The following SPOCK1 variants were observed in gnomAD, a reference collection of about 807,000 sequenced individuals.
SPOCK1 encodes the protein SPARC (osteonectin), cwcv and kazal like domains proteoglycan 1.
In SPOCK1, 23 loss-of-function variants were observed where a neutral mutation model predicts 55.3. That is an observed-to-expected ratio of 0.42 (90% CI 0.30 to 0.59). The LOEUF (loss-of-function observed/expected upper bound fraction) is 0.59. SPOCK1 is among the 20% of genes least tolerant of loss of function. The pLI is 0.22. For synonymous variants in SPOCK1, 226 were observed against 221.0 expected (o/e 1.02, Z -0.20); for missense variants, 499 against 552.5 (o/e 0.90, Z 0.97).
At chr5:137,159,906 C>T (rs1468605804) in intron 3 of SPOCK1, among the ~76,000 whole-genome samples, 1 of 152,100 alleles carries the variant, frequency 6.6e-6, no homozygotes, top group Non-Finnish European at 1.5e-5. Context: ...CAATCCATGT[C>T]TATATTTTAT....
At chr5:137,279,412 T>C (rs1016355109) in intron 2 of SPOCK1, among the ~76,000 whole-genome samples, 2 of 152,190 alleles carry the variant, frequency 1.3e-5, no homozygotes, top group Admixed American at 1.3e-4. Context: ...AAGATTCTAC[T>C]GAGGAAGTAC....
At chr5:137,231,191 T>G (rs1452084350) in intron 3 of SPOCK1, among the ~76,000 whole-genome samples, 2 of 152,120 alleles carry the variant, frequency 1.3e-5, no homozygotes, top group African/African-American at 4.8e-5. Flanking sequence ...ATTATAGGCA[T>G]GCGCCACCAC....
At chr5:137,440,422 T>C (rs904323581) in intron 2 of SPOCK1, among the ~76,000 whole-genome samples, 5 of 152,198 alleles carry the variant, frequency 3.3e-5, no homozygotes, top group African/African-American at 7.2e-5. Context: ...CAGTTAGCTT[T>C]GGAGGGATGT....
At chr5:136,997,394 C>T (rs953501292) in intron 6 of SPOCK1, among the ~76,000 whole-genome samples, 3 of 151,974 alleles carry the variant, frequency 2.0e-5, no homozygotes, top group Non-Finnish European at 4.4e-5. Context: ...CCCATCTTGC[C>T]CCCTCCCTCC....
At chr5:137,104,966 TCC>T (rs1381621581) in intron 5 of SPOCK1, among the ~76,000 whole-genome samples, 2 of 152,124 alleles carry the variant, frequency 1.3e-5, no homozygotes, top group Non-Finnish European at 2.9e-5. Flanking sequence ...ACAAAACTGG[TCC>T]CTGTGCCAAA....
intron 2 of SPOCK1, among the ~76,000 whole-genome samples, chr5:137,294,951 T>C (rs1757449774): frequency 6.6e-6 from 1 of 152,184 alleles, no homozygotes; most frequent in East Asian, 1.9e-4. Flanking sequence ...CAAACTCCTC[T>C]TTCCACCCCC....
At chr5:136,979,777 T>G (rs904498529) in intron 9 of SPOCK1, among the ~76,000 whole-genome samples, 10 of 152,222 alleles carry the variant, frequency 6.6e-5, no homozygotes, top group African/African-American at 2.2e-4. Context: ...TACATACATT[T>G]GCAGAATCTC....
chr5:137,218,374 A>ACTG (rs1331268208), intron 3 of SPOCK1, among the ~76,000 whole-genome samples: 1 of 152,252 alleles, frequency 6.6e-6, no homozygotes, highest in Non-Finnish European at 1.5e-5. Flanking sequence ...GCCAGAGGAG[A>ACTG]CTGCTCTAAA....
intron 6 of SPOCK1, among the ~76,000 whole-genome samples, chr5:137,001,261 C>T (rs959900248): frequency 1.3e-5 from 2 of 152,166 alleles, no homozygotes. Flanking sequence ...TAGCTGTCGG[C>T]TGTGATCTGA....
intron 2 of SPOCK1, among the ~76,000 whole-genome samples, chr5:137,292,032 C>T (rs1270061354): frequency 1.3e-5 from 2 of 152,124 alleles, no homozygotes; most frequent in African/African-American, 2.4e-5. Flanking sequence ...AGAATAAATC[C>T]AATGTGCCAA....
chr5:137,329,722 C>T (rs1177031294), intron 2 of SPOCK1, among the ~76,000 whole-genome samples: 1 of 152,162 alleles, frequency 6.6e-6, no homozygotes, highest in Non-Finnish European at 1.5e-5. Flanking sequence ...GTTTTGTTGG[C>T]TCCTCTAATG....
chr5:137,493,768 A>G (rs1661706733), intron 2 of SPOCK1, among the ~76,000 whole-genome samples: 2 of 152,192 alleles, frequency 1.3e-5, no homozygotes, highest in Non-Finnish European at 2.9e-5. Context: ...TTCCGTGATG[A>G]CAGATTAATG....
intron 2 of SPOCK1, among the ~76,000 whole-genome samples, chr5:137,333,489 C>T (rs1251133882): frequency 6.6e-6 from 1 of 152,174 alleles, no homozygotes; most frequent in Non-Finnish European, 1.5e-5. Flanking sequence ...CAATCGGGGA[C>T]ATGAAGTAGC....
chr5:137,320,698 G>T (rs1053719174), intron 2 of SPOCK1, among the ~76,000 whole-genome samples: 3 of 152,170 alleles, frequency 2.0e-5, no homozygotes, highest in Non-Finnish European at 4.4e-5. Context: ...ACACACACAA[G>T]CCTAGAAAAG....
chr5:137,060,784 A>C (rs1752381846), intron 6 of SPOCK1, among the ~76,000 whole-genome samples: 1 of 152,064 alleles, frequency 6.6e-6, no homozygotes, highest in African/African-American at 2.4e-5. Flanking sequence ...TTCTCTGTTC[A>C]CCTTTAGCTT....
At chr5:136,995,365 T>G (rs1751021031) in intron 6 of SPOCK1, among the ~76,000 whole-genome samples, 1 of 152,176 alleles carries the variant, frequency 6.6e-6, no homozygotes, top group East Asian at 1.9e-4. Context: ...AGGTGGAGAA[T>G]CCTGGCTTAG....
At chr5:137,271,212 T>G (rs954302787) in intron 2 of SPOCK1, among the ~76,000 whole-genome samples, 3 of 151,748 alleles carry the variant, frequency 2.0e-5, no homozygotes, top group African/African-American at 7.3e-5. Context: ...ATTTCTCCAT[T>G]TATCTCACTT....
chr5:137,388,732 C>T (rs530964943), intron 2 of SPOCK1, among the ~76,000 whole-genome samples: 5 of 152,284 alleles, frequency 3.3e-5, no homozygotes, highest in East Asian at 1.9e-4. Flanking sequence ...AAGCTTTTAG[C>T]GCCTCTGCCA....
intron 3 of SPOCK1, among the ~76,000 whole-genome samples, chr5:137,151,446 G>C (rs749782469): frequency 1.3e-5 from 2 of 152,194 alleles, no homozygotes; most frequent in Non-Finnish European, 2.9e-5. Flanking sequence ...CTTGTCATTA[G>C]GAGCTCTTTG....
Sources: gnomAD v4.1 joint callset for allele counts (sites outside exome capture counted in the v4.1 genomes callset) on GRCh38, gnomAD v4.1.1 for gene constraint, MANE v1.5 for transcripts, NCBI Gene and HGNC (gene_info 2026-07-23, HGNC 2026-07-21) for gene names.